The following GOLGA8T variants were observed in gnomAD, a reference collection of about 807,000 sequenced individuals.
GOLGA8T encodes the protein golgin A8 family member T.
A neutral mutation model predicts 52.0 loss-of-function variants in GOLGA8T; 17 were observed. That is an observed-to-expected ratio of 0.33 (90% CI 0.22 to 0.49). The LOEUF is 0.49. Ranked by LOEUF, GOLGA8T falls within the 20% of genes least tolerant of loss-of-function variation. The pLI, the probability that GOLGA8T is intolerant of heterozygous loss-of-function variation, is 0.99. For synonymous variants in GOLGA8T, 67 were observed against 169.5 expected (o/e 0.40, Z 4.70); for missense variants, 154 against 462.1 (o/e 0.33, Z 6.11).
At chr15:30,143,454 G>A (rs1297509110) in intron 13 of GOLGA8T, among the ~76,000 whole-genome samples, 152 bp from the exon 14 acceptor site, 2 of 128,336 alleles carry the variant, frequency 1.6e-5, no homozygotes, top group Non-Finnish European at 1.5e-5. Context: ...TAATGAACCA[G>A]CTGCAGCAGC....
At chr15:30,137,836 CTG>C (rs2057709045) in intron 2 of GOLGA8T, 43 bp from the exon 3 acceptor site, 1 of 281,820 alleles carries the variant, frequency 3.5e-6, no homozygotes. Context: ...GGCTCAGACA[CTG>C]TGGGGGACAG....
At chr15:30,140,219 G>T (rs564929564) in intron 8 of GOLGA8T, 13 of 445,404 alleles carry the variant, frequency 2.9e-5, no homozygotes, top group African/African-American at 5.9e-5. Flanking sequence ...GTCTGCAAGG[G>T]TTCATAAAAA....
chr15:30,142,452 G>T, intron 13 of GOLGA8T, 70 bp downstream of exon 13: 3 of 1,578,306 alleles, frequency 1.9e-6, no homozygotes, highest in South Asian at 2.2e-5. Context: ...CTGGGGAGGG[G>T]AGGTACGAGG....
chr15:30,137,305 G>A (rs2057702889), intron 2 of GOLGA8T, among the ~76,000 whole-genome samples: 2 of 139,480 alleles, frequency 1.4e-5, no homozygotes, highest in African/African-American at 5.6e-5. Flanking sequence ...GTGAACCTGG[G>A]AGGTGGAGCT....
intron 11 of GOLGA8T, among the ~76,000 whole-genome samples, 153 bp downstream of exon 11, chr15:30,141,578 T>A (rs2057744909): frequency 8.1e-6 from 1 of 123,648 alleles, no homozygotes; most frequent in Admixed American, 7.3e-5. Context: ...GTCATCTCAA[T>A]GAGTCTCAGT....
rs546190135 is a variant in GOLGA8T at position 30,148,320 on chromosome 15, C to A, written c.*2753C>A. Among the ~76,000 whole-genome samples, 9 of 123,624 alleles carry A rather than the reference C, an allele frequency of 7.3e-5. No homozygotes were observed. The highest frequency in any genetic ancestry group is 5.4e-4 in the South Asian group (2 of 3,726). The allele number at this position is 123,624 out of a possible 152,430, so 81.1% of individuals were successfully genotyped here. A position where few individuals can be genotyped will look rare whatever the true frequency, so the allele number is the denominator to read the frequency against. The stretch of plus-strand genomic sequence containing the variant: ...ATAATCATTTTAAAAGTATTTGATT[C>A]AACCTGATAATTTTCCAGAAATGAA... On this transcript the variant is annotated 3_prime_UTR_variant, in exon 19 of 19. Transcript: ENST00000569052.
rs1162228428 is a variant in GOLGA8T, at chr15:30,145,693, C to A, written c.*126C>A. ...GACTCACTCATGATTATTTGTGTTT[C>A]TAATTTATAGTTTAAGTTTATTTGT... On this transcript the variant is annotated 3_prime_UTR_variant, in exon 19 of 19. Transcript: ENST00000569052. The A allele has an allele frequency of 1.6e-4, 144 of 915,026 alleles. No homozygotes were observed. Among genetic ancestry groups the A allele is most frequent in the Non-Finnish European group, 2.2e-4 (141 of 650,152 alleles). 56.7% of individuals were successfully genotyped at this position (915,026 alleles called of 1,614,324 possible). A position where few individuals can be genotyped will look rare whatever the true frequency, so the allele number is the denominator to read the frequency against.
At chr15:30,140,256 G>A (rs1277866224) in intron 8 of GOLGA8T, 19 of 393,024 alleles carry the variant, frequency 4.8e-5, no homozygotes, top group Non-Finnish European at 8.3e-5. Context: ...CAAGATGGCC[G>A]GGAGATACTT....
At chr15:30,140,152 C>CCTGTGT in intron 8 of GOLGA8T, 1 of 403,946 alleles carries the variant, frequency 2.5e-6, no homozygotes, top group Admixed American at 3.0e-5. Context: ...AACGTGTGTG[C>CCTGTGT]GTGTGTGTGT....
chr15:30,137,748 AGGAGTTAT>A (rs1341348069), intron 2 of GOLGA8T, 125 bp from the exon 3 acceptor site: 1 of 176,440 alleles, frequency 5.7e-6, no homozygotes, highest in Non-Finnish European at 1.0e-5. Flanking sequence ...GTTGGCACAA[AGGAGTTAT>A]GGGACAAAAG....
rs2057843397 is a variant in GOLGA8T, at chr15:30,148,271, C to A, written c.*2704C>A. 8.4e-6 allele frequency among the ~76,000 whole-genome samples: 1 copy of A among 119,682 alleles called. No homozygotes were observed. Among genetic ancestry groups the A allele is most frequent in the Non-Finnish European group, 1.6e-5 (1 of 62,434 alleles). The allele number at this position is 119,682 out of a possible 152,430, so 78.5% of individuals were successfully genotyped here. On this transcript the variant is annotated 3_prime_UTR_variant, in exon 19 of 19. Transcript: ENST00000569052. ...AATGTCTGTAGGAAGAATCAAAACA[C>A]CTATTTAAAGATGGCAATATATAAT...
chr15:30,140,898 G>A lies in GOLGA8T; in HGVS notation c.648G>A (p.Glu216=), dbSNP rs751184329. The A allele has an allele frequency of 2.5e-5, 39 of 1,555,334 alleles. 8 individuals are homozygous for A. The highest frequency in any genetic ancestry group is 3.1e-5 in the Non-Finnish European group (36 of 1,160,388). The change falls in exon 9 of 19, where the codon GAG becomes GAA. Residue 216 remains glutamate, a synonymous_variant. Transcript: ENST00000569052. The stretch of plus-strand genomic sequence containing the variant: ...GGAAGTTAGAGCAGTCCATGCGGGA[G>A]GAGACACTACTGAAAGTGCAGCTGA... ...TEWKLEQSMR[E]ETLLKVQLTQ... is the part of the protein sequence containing the mutation.
At chr15:30,140,728 C>T (rs1261424213) in intron 8 of GOLGA8T, 114 bp from the exon 9 acceptor site, 1 of 817,968 alleles carries the variant, frequency 1.2e-6, no homozygotes, top group Non-Finnish European at 2.0e-6. Context: ...TTGGAAATGC[C>T]TTGATCTTTA....
intron 8 of GOLGA8T, 55 bp from the exon 9 acceptor site, chr15:30,140,787 T>G: frequency 7.5e-7 from 1 of 1,328,524 alleles, no homozygotes; most frequent in Admixed American, 1.8e-5. Flanking sequence ...TAAGGGGCAC[T>G]GTGTGGAAAT....
intron 13 of GOLGA8T, among the ~76,000 whole-genome samples, 191 bp downstream of exon 13, chr15:30,142,573 C>A (rs1029384971): frequency 2.1e-5 from 3 of 144,690 alleles, no homozygotes; most frequent in Non-Finnish European, 4.4e-5. Context: ...GGGATCCTCT[C>A]AGGTCTGGAC....
Position 30,142,354 on chromosome 15 carries a change from T to C in GOLGA8T, c.1172T>C (p.Val391Ala). 6.4e-7 allele frequency: 1 copy of C among 1,550,944 alleles called. No individual in the cohort carries two copies. Among genetic ancestry groups the C allele is most frequent in the Non-Finnish European group, 8.6e-7 (1 of 1,159,068 alleles). ...NKNALQLEQQ[V>A]KELQEKLGEE... ...AACGCACTGCAGTTGGAGCAGCAAGTAAAGGAGCTACAGGAGAAGCTTGGC... is the reference window on the plus strand; with the variant it reads ...AACGCACTGCAGTTGGAGCAGCAAGCAAAGGAGCTACAGGAGAAGCTTGGC... Residue 391 changes from valine (V) to alanine (A), a missense_variant, in exon 13 of 19, where the codon GTA (valine) becomes GCA (alanine). This residue lies in a region of GOLGA8T where 54 missense variants were observed against 51.5 expected (regional missense o/e 1.05). Coordinates refer to ENST00000569052, the MANE Select transcript of GOLGA8T (RefSeq NM_001355469.2).
intron 14 of GOLGA8T, 48 bp downstream of exon 14, chr15:30,143,729 G>A (rs199829359): frequency 1.1e-5 from 15 of 1,331,774 alleles, no homozygotes; most frequent in Admixed American, 9.7e-5. Context: ...AGGAGGAAGG[G>A]GGGACTGCTA....
In GOLGA8T at chr15:30,145,390, A is replaced by G; in HGVS notation, c.1721-2A>G. The G allele has an allele frequency of 6.5e-7, 1 of 1,546,956 alleles. No individual in the cohort carries two copies. Among genetic ancestry groups the G allele is most frequent in the East Asian group, 2.3e-5 (1 of 43,996 alleles). On this transcript the variant is annotated splice_acceptor_variant, in intron 18 of 18. Coordinates refer to ENST00000569052, the MANE Select transcript of GOLGA8T (RefSeq NM_001355469.2). LOFTEE classifies it high-confidence loss of function. Reference sequence around the variant, plus strand: ...CAGATCCCTGCCTCCCTCTCTCCAAAGATCTTCGTGAGGTGAGCCTCACCT... The same window carrying G: ...CAGATCCCTGCCTCCCTCTCTCCAAGGATCTTCGTGAGGTGAGCCTCACCT...
intron 8 of GOLGA8T, among the ~76,000 whole-genome samples, chr15:30,140,611 G>T (rs1425893116): frequency 2.8e-5 from 4 of 143,262 alleles, no homozygotes; most frequent in Admixed American, 2.7e-4. Context: ...AATAACAATA[G>T]CAATATTATC....
Sources: allele counts gnomAD v4.1 joint callset (sites outside exome capture counted in the v4.1 genomes callset), GRCh38; gene constraint gnomAD v4.1.1; regional missense constraint gnomAD v4.1.1; transcripts MANE v1.5; gene names NCBI Gene and HGNC (gene_info 2026-07-23, HGNC 2026-07-21).